Variants in HDAC9 observed in about 807,000 individuals in gnomAD.
HDAC9 encodes MEF-2 interacting transcription repressor (MITR) protein.
Under a neutral mutation model 139.4 loss-of-function variants are expected in HDAC9, and 41 were observed. The observed-to-expected ratio is 0.29, with a 90% confidence interval of 0.23 to 0.38. The LOEUF (loss-of-function observed/expected upper bound fraction) is 0.38, where lower values mean the gene tolerates loss of function less well. HDAC9 is among the 10% of genes least tolerant of loss of function. The probability of loss-of-function intolerance (pLI) is 1.00; values close to 1 mark genes in which losing one functional copy is unlikely to be tolerated. For missense variants in HDAC9, 1,147 were observed against 1,297.0 expected (o/e 0.88, Z 1.78); for synonymous variants, 517 against 476.2 (o/e 1.09, Z -1.12).
At chr7:18,950,379 C>T (rs184766393) in intron 23 of HDAC9, among the ~76,000 whole-genome samples, 4 of 152,162 alleles carry the variant, frequency 2.6e-5, no homozygotes, top group Admixed American at 2.6e-4. Context: ...CCTTAGAAAA[C>T]AAAATGAGTT....
At chr7:18,299,262 A>AT (rs1212017392) in intron 1 of HDAC9, among the ~76,000 whole-genome samples, 4 of 140,596 alleles carry the variant, frequency 2.8e-5, no homozygotes, top group Non-Finnish European at 4.7e-5. Flanking sequence ...AATTTGAAGT[A>AT]TTTTTTGCTT....
At chr7:18,624,152 T>C (rs1445188126) in intron 6 of HDAC9, among the ~76,000 whole-genome samples, 1 of 152,170 alleles carries the variant, frequency 6.6e-6, no homozygotes, top group Non-Finnish European at 1.5e-5. Flanking sequence ...TCCTAATTTT[T>C]TAACCTTTGC....
At chr7:18,932,848 A>AAAGAAAGAAAG in intron 22 of HDAC9, among the ~76,000 whole-genome samples, 1 of 138,322 alleles carries the variant, frequency 7.2e-6, no homozygotes, top group South Asian at 2.3e-4. Flanking sequence ...AGGAAGGAAA[A>AAAGAAAGAAAG]AAAGAAAGAA....
intron 1 of HDAC9, among the ~76,000 whole-genome samples, chr7:18,324,048 A>G (rs1800247068): frequency 6.6e-6 from 1 of 151,830 alleles, no homozygotes; most frequent in Non-Finnish European, 1.5e-5. Flanking sequence ...TCATTACCCA[A>G]TCAGCTTCCA....
chr7:18,856,201 C>T (rs1367595066), intron 21 of HDAC9, among the ~76,000 whole-genome samples: 1 of 152,048 alleles, frequency 6.6e-6, no homozygotes, highest in Non-Finnish European at 1.5e-5. Context: ...CTCACAGCCC[C>T]TAAGAAATTA....
At chr7:18,757,975 C>A (rs565148049) in intron 14 of HDAC9, among the ~76,000 whole-genome samples, 25 of 152,290 alleles carry the variant, frequency 1.6e-4, no homozygotes, top group African/African-American at 5.8e-4. Flanking sequence ...CTGAACTAAA[C>A]ATGATCATAT....
chr7:18,902,786 GAA>G (rs1211033580), intron 22 of HDAC9, among the ~76,000 whole-genome samples: 1 of 152,180 alleles, frequency 6.6e-6, no homozygotes, highest in Non-Finnish European at 1.5e-5. Flanking sequence ...CTGAGGAATG[GAA>G]AAGTTTGGAA....
At chr7:18,910,990 C>G (rs1379397235) in intron 22 of HDAC9, among the ~76,000 whole-genome samples, 1 of 151,740 alleles carries the variant, frequency 6.6e-6, no homozygotes, top group Non-Finnish European at 1.5e-5. Context: ...ATTTTCTCCC[C>G]TTTAATATCT....
At chr7:18,932,847 A>AG (rs1356336726) in intron 22 of HDAC9, among the ~76,000 whole-genome samples, 9 of 142,836 alleles carry the variant, frequency 6.3e-5, no homozygotes, top group South Asian at 2.4e-4. Context: ...AAGGAAGGAA[A>AG]AAAAGAAAGA....
chr7:18,889,839 C>T (rs75193606), intron 22 of HDAC9, among the ~76,000 whole-genome samples: 3 of 152,134 alleles, frequency 2.0e-5, no homozygotes, highest in African/African-American at 2.4e-5. Flanking sequence ...CTAGCACTAC[C>T]GGCCTGTGAT....
chr7:18,419,433 AC>A (rs1789408628), intron 1 of HDAC9, among the ~76,000 whole-genome samples: 1 of 152,084 alleles, frequency 6.6e-6, no homozygotes, highest in East Asian at 1.9e-4. Context: ...CATATATGAG[AC>A]CCCCGTTTGA....
intron 25 of HDAC9, among the ~76,000 whole-genome samples, chr7:18,991,047 A>G (rs2129350216): frequency 6.6e-6 from 1 of 152,330 alleles, no homozygotes; most frequent in East Asian, 1.9e-4. Flanking sequence ...AGCTGTTCCT[A>G]TTCGGCCATC....
chr7:18,245,553 G>A (rs1032471329), intron 2 of HDAC9, among the ~76,000 whole-genome samples: 1 of 151,888 alleles, frequency 6.6e-6, no homozygotes, highest in Non-Finnish European at 1.5e-5. Context: ...TTAGCCTCTG[G>A]GGGAGCCCAC....
chr7:18,848,836 A>G (rs1321141431), intron 21 of HDAC9, among the ~76,000 whole-genome samples: 3 of 152,190 alleles, frequency 2.0e-5, no homozygotes, highest in Non-Finnish European at 4.4e-5. Flanking sequence ...GTTTCTCAAC[A>G]ATAAAGAATA....
At chr7:18,708,979 A>G (rs887836928) in intron 12 of HDAC9, among the ~76,000 whole-genome samples, 1 of 152,094 alleles carries the variant, frequency 6.6e-6, no homozygotes, top group Non-Finnish European at 1.5e-5. Context: ...ACATATATAT[A>G]TTCATACATA....
chr7:18,772,386 T>C (rs1321402258), intron 16 of HDAC9, among the ~76,000 whole-genome samples: 2 of 152,010 alleles, frequency 1.3e-5, no homozygotes, highest in East Asian at 3.9e-4. Context: ...GTTCCTGAGG[T>C]TTTGATATTG....
intron 1 of HDAC9, among the ~76,000 whole-genome samples, chr7:18,118,911 C>T (rs1584153609): frequency 6.6e-6 from 1 of 152,120 alleles, no homozygotes; most frequent in Admixed American, 6.5e-5. Flanking sequence ...AAGTGGCATG[C>T]TGAATGCAGG....
intron 1 of HDAC9, among the ~76,000 whole-genome samples, chr7:18,402,139 G>T (rs1269144651): frequency 6.6e-6 from 1 of 152,088 alleles, no homozygotes; most frequent in Non-Finnish European, 1.5e-5. Context: ...ACTTGGAGGG[G>T]GTGGATACAA....
chr7:18,712,026 G>T (rs1446736877), intron 12 of HDAC9, among the ~76,000 whole-genome samples: 1 of 151,860 alleles, frequency 6.6e-6, no homozygotes, highest in Non-Finnish European at 1.5e-5. Context: ...GATGTAGTGG[G>T]CCAGTGTGCA....
Sources: allele counts gnomAD v4.1 joint callset (sites outside exome capture counted in the v4.1 genomes callset), GRCh38; gene constraint gnomAD v4.1.1; transcripts MANE v1.5; gene names NCBI Gene and HGNC (gene_info 2026-07-23, HGNC 2026-07-21).